The following FRMD4A variants were observed in gnomAD, a reference collection of about 807,000 sequenced individuals.
FRMD4A encodes FERM domain-containing protein 4A.
Under a neutral mutation model 129.1 loss-of-function variants are expected in FRMD4A, and 29 were observed. That is an observed-to-expected ratio of 0.22 (90% CI 0.17 to 0.31). The LOEUF (loss-of-function observed/expected upper bound fraction) is 0.31. FRMD4A is among the 10% of genes least tolerant of loss of function. The probability of loss-of-function intolerance (pLI) is 1.00; values close to 1 mark genes in which losing one functional copy is unlikely to be tolerated. For missense variants in FRMD4A, 1,272 were observed against 1,375.8 expected (o/e 0.92, Z 1.19); for synonymous variants, 634 against 571.6 (o/e 1.11, Z -1.56).
chr10:14,247,929 A>AT (rs928880759), intron 2 of FRMD4A, among the ~76,000 whole-genome samples: 9 of 151,956 alleles, frequency 5.9e-5, no homozygotes, highest in African/African-American at 2.2e-4. Context: ...TAAAAAAAAA[A>AT]TTGGAAACAA....
rs532962551 is a variant in FRMD4A, at chr10:13,921,774, CCAGA to C, written c.46-62866_46-62863del. 2.8e-3 allele frequency among the ~76,000 whole-genome samples: 425 copies of C among 152,258 alleles called. 4 individuals carry two copies. Among genetic ancestry groups the C allele is most frequent in the African/African-American group, 9.8e-3 (406 of 41,540 alleles). ...TGAGAGACGGAACTGCAATTCAAAC[CCAGA>C]CAGTGTGGTTCCAGTGCTCTTACAT... On this transcript the variant is annotated intron_variant, in intron 2 of 24. Coordinates refer to ENST00000357447, the MANE Select transcript of FRMD4A (RefSeq NM_018027.5).
intron 2 of FRMD4A, among the ~76,000 whole-genome samples, chr10:13,871,744 G>GAC (rs1415344875): frequency 6.6e-6 from 1 of 152,232 alleles, no homozygotes; most frequent in Non-Finnish European, 1.5e-5. Context: ...GCATCTCGCA[G>GAC]ACTCAGTGGA....
chr10:14,136,883 G>T (rs1290694777), intron 2 of FRMD4A, among the ~76,000 whole-genome samples: 2 of 152,170 alleles, frequency 1.3e-5, no homozygotes, highest in Admixed American at 1.3e-4. Context: ...AATGGACTGA[G>T]ACCTGTCTCA....
chr10:13,670,737 CTT>C (rs552288680), intron 16 of FRMD4A, among the ~76,000 whole-genome samples: 169 of 152,342 alleles, frequency 1.1e-3, no homozygotes, highest in Non-Finnish European at 1.8e-3. Context: ...AACAATGTCT[CTT>C]ATGTAGAATA....
intron 2 of FRMD4A, among the ~76,000 whole-genome samples, chr10:14,125,968 T>C (rs1371521702): frequency 1.3e-5 from 2 of 152,102 alleles, no homozygotes; most frequent in Non-Finnish European, 2.9e-5. Context: ...CTCCACTTTA[T>C]TTACTAAACC....
intron 2 of FRMD4A, among the ~76,000 whole-genome samples, chr10:14,273,059 T>TACACACACAC (rs59318900): frequency 1.3e-3 from 183 of 144,004 alleles, no homozygotes; most frequent in African/African-American, 4.5e-3. Context: ...TTACCAGAAA[T>TACACACACAC]ACACACACAC....
chr10:13,710,495 T>C (rs2087908865), intron 12 of FRMD4A: 1 of 152,342 alleles, frequency 6.6e-6, no homozygotes, highest in Non-Finnish European at 1.5e-5. Flanking sequence ...TGCCTCCAGC[T>C]TCTGCCCTTG....
intron 2 of FRMD4A, among the ~76,000 whole-genome samples, chr10:13,974,109 G>C (rs560702204): frequency 1.3e-5 from 2 of 148,296 alleles, no homozygotes; most frequent in African/African-American, 5.0e-5. Flanking sequence ...CTCACTGAAA[G>C]CTCCACCTCT....
At chr10:13,877,964 C>A (rs1274863617) in intron 2 of FRMD4A, among the ~76,000 whole-genome samples, 1 of 152,048 alleles carries the variant, frequency 6.6e-6, no homozygotes, top group Non-Finnish European at 1.5e-5. Flanking sequence ...GACTCCCAAA[C>A]CCAAAAGTCT....
intron 2 of FRMD4A, among the ~76,000 whole-genome samples, chr10:13,944,516 A>G (rs1250723874): frequency 6.6e-6 from 1 of 152,082 alleles, no homozygotes; most frequent in Non-Finnish European, 1.5e-5. Flanking sequence ...ATGTGCTTAA[A>G]TCATCCTGAA....
intron 2 of FRMD4A, among the ~76,000 whole-genome samples, chr10:14,065,391 G>A (rs780072576): frequency 9.9e-5 from 15 of 152,058 alleles, no homozygotes; most frequent in African/African-American, 1.9e-4. Flanking sequence ...CACCATGTTC[G>A]CCAGGCTGGT....
At chr10:13,690,716 G>A (rs1305896910) in intron 15 of FRMD4A, among the ~76,000 whole-genome samples, 1 of 152,210 alleles carries the variant, frequency 6.6e-6, no homozygotes, top group African/African-American at 2.4e-5. Flanking sequence ...CACTGAAGCT[G>A]ACAATGGGAG....
At chr10:13,735,206 G>A (rs2090564955) in intron 12 of FRMD4A, among the ~76,000 whole-genome samples, 1 of 152,212 alleles carries the variant, frequency 6.6e-6, no homozygotes, top group Non-Finnish European at 1.5e-5. Flanking sequence ...ATGAATGAGT[G>A]ATGGCTGTGA....
At chr10:14,104,295 A>G (rs954631484) in intron 2 of FRMD4A, among the ~76,000 whole-genome samples, 1 of 151,852 alleles carries the variant, frequency 6.6e-6, no homozygotes, top group African/African-American at 2.4e-5. Flanking sequence ...ACTGCCATCG[A>G]CGTTACACCG....
chr10:14,024,359 C>T (rs1832895190), intron 2 of FRMD4A, among the ~76,000 whole-genome samples: 1 of 152,236 alleles, frequency 6.6e-6, no homozygotes, highest in Non-Finnish European at 1.5e-5. Flanking sequence ...CTTACAAACA[C>T]ATCCATGAGC....
At chr10:14,095,841 C>A (rs789759) in intron 2 of FRMD4A, among the ~76,000 whole-genome samples, 14,460 of 152,280 alleles carry the variant, frequency 0.095, 1,177 homozygotes, top group African/African-American at 0.22. Context: ...GAGTCCCTTT[C>A]CAGGGCAAGT....
At chr10:14,239,370 G>A (rs1397566041) in intron 2 of FRMD4A, among the ~76,000 whole-genome samples, 1 of 152,216 alleles carries the variant, frequency 6.6e-6, no homozygotes, top group Admixed American at 6.5e-5. Flanking sequence ...GCTCACTCCT[G>A]TAATCCCAGC....
chr10:14,148,576 A>G (rs1840191316), intron 2 of FRMD4A, among the ~76,000 whole-genome samples: 1 of 152,178 alleles, frequency 6.6e-6, no homozygotes, highest in Non-Finnish European at 1.5e-5. Context: ...AGCCTGGCCA[A>G]CATGGTGAAA....
chr10:14,040,159 A>G (rs1833721688), intron 2 of FRMD4A, among the ~76,000 whole-genome samples: 1 of 152,174 alleles, frequency 6.6e-6, no homozygotes, highest in South Asian at 2.1e-4. Context: ...AGCCAGTCGA[A>G]TGACAGAGCC....
Sources: gnomAD v4.1 joint callset for allele counts (sites outside exome capture counted in the v4.1 genomes callset) on GRCh38, gnomAD v4.1.1 for gene constraint, MANE v1.5 for transcripts, NCBI Gene and HGNC (gene_info 2026-07-23, HGNC 2026-07-21) for gene names.